SDK1: variants seen among roughly 807,000 people sequenced by gnomAD.
SDK1 encodes the protein sidekick cell adhesion molecule 1, also known as protein sidekick-1.
In SDK1, 157 loss-of-function variants were observed where a neutral mutation model predicts 245.5. The observed-to-expected ratio is 0.64, with a 90% CI of 0.56 to 0.73. The LOEUF (loss-of-function observed/expected upper bound fraction) is 0.73. Among genes scored for constraint, SDK1 ranks in the 30% least tolerant of loss-of-function variants. SDK1 has a pLI of 0.00. For synonymous variants in SDK1, 1,647 were observed against 1,278.5 expected (o/e 1.29, Z -6.15); for missense variants, 3,583 against 3,002.3 (o/e 1.19, Z -4.52).
At chr7:3,383,097 C>T (rs992530504) in intron 1 of SDK1, among the ~76,000 whole-genome samples, 1 of 152,128 alleles carries the variant, frequency 6.6e-6, no homozygotes, top group Non-Finnish European at 1.5e-5. Context: ...AAAAAAATCC[C>T]ATTCAAAATT....
chr7:3,987,537 C>G (rs531237933), intron 14 of SDK1, among the ~76,000 whole-genome samples: 7 of 152,260 alleles, frequency 4.6e-5, no homozygotes, highest in Non-Finnish European at 1.0e-4. Context: ...TAGAGGGGCT[C>G]TTGGTGGAGA....
intron 1 of SDK1, among the ~76,000 whole-genome samples, chr7:3,424,450 A>G (rs909990061): frequency 2.0e-5 from 3 of 152,192 alleles, no homozygotes; most frequent in East Asian, 1.9e-4. Flanking sequence ...GATTCAGGAA[A>G]TCTTTTCACA....
intron 1 of SDK1, among the ~76,000 whole-genome samples, chr7:3,425,389 C>T (rs1779647458): frequency 6.6e-6 from 1 of 152,124 alleles, no homozygotes; most frequent in African/African-American, 2.4e-5. Flanking sequence ...AGATTGATTT[C>T]TGAGTAACTC....
chr7:4,146,020 C>A, intron 29 of SDK1, 104 bp downstream of exon 29: 2 of 1,001,630 alleles, frequency 2.0e-6, no homozygotes, highest in Admixed American at 2.7e-5. Flanking sequence ...TCGGCCTTCC[C>A]TTCGGAGAAA....
chr7:3,974,571 G>C, intron 13 of SDK1, 26 bp downstream of exon 13: 1 of 1,605,690 alleles, frequency 6.2e-7, no homozygotes, highest in Admixed American at 1.7e-5. Context: ...TTTGGTGTTA[G>C]CCAGTCCGCG....
At chr7:3,596,891 C>T (rs1395397654) in intron 1 of SDK1, among the ~76,000 whole-genome samples, 2 of 152,138 alleles carry the variant, frequency 1.3e-5, no homozygotes, top group African/African-American at 4.8e-5. Flanking sequence ...GGTACAGAAA[C>T]AGCTAGATTG....
intron 2 of SDK1, among the ~76,000 whole-genome samples, chr7:3,634,710 A>G (rs1265438322): frequency 6.6e-6 from 1 of 152,242 alleles, no homozygotes; most frequent in Non-Finnish European, 1.5e-5. Context: ...TTGTGTAGGA[A>G]TTCCCATAAT....
At chr7:3,313,829 T>C (rs1779604276) in intron 1 of SDK1, among the ~76,000 whole-genome samples, 1 of 152,220 alleles carries the variant, frequency 6.6e-6, no homozygotes, top group South Asian at 2.1e-4. Flanking sequence ...CACAAAAAAG[T>C]ATGTGAAGTA....
At chr7:3,615,186 T>C (rs1781728351) in intron 1 of SDK1, among the ~76,000 whole-genome samples, 1 of 151,670 alleles carries the variant, frequency 6.6e-6, no homozygotes, top group South Asian at 2.1e-4. Flanking sequence ...TGAAGTGGCA[T>C]TTCTTTTTCT....
chr7:3,360,675 A>G (rs1780927014), intron 1 of SDK1, among the ~76,000 whole-genome samples: 2 of 152,212 alleles, frequency 1.3e-5, no homozygotes, highest in African/African-American at 4.8e-5. Context: ...ACCTTGGCCC[A>G]GTGCTGCTGT....
chr7:4,146,066 C>T, intron 29 of SDK1, 150 bp downstream of exon 29: 5 of 664,596 alleles, frequency 7.5e-6, no homozygotes, highest in Non-Finnish European at 1.3e-5. Flanking sequence ...GCACCCATTG[C>T]ACCTGACATG....
chr7:3,619,221 C>T lies in SDK1; in HGVS notation c.440C>T (p.Thr147Ile). ...KWMRDDSELT[T>I]YSSEYKYIIP... Reference sequence around the variant, plus strand: ...ATGCGCGATGACAGTGAGCTCACCACCTACAGCAGCGAATATAAGTAATTG... The same window carrying T: ...ATGCGCGATGACAGTGAGCTCACCATCTACAGCAGCGAATATAAGTAATTG... The change falls in exon 2 of 45, where the codon ACC becomes ATC. Residue 147 changes from threonine to isoleucine, a missense_variant. Physicochemically the swap from Thr to Ile is moderately conservative, Grantham distance 89. Transcript: ENST00000404826. The T allele has an allele frequency of 6.2e-7, 1 of 1,610,514 alleles. No homozygotes were observed. The highest frequency in any genetic ancestry group is 8.5e-7 in the Non-Finnish European group (1 of 1,177,096).
chr7:3,991,212 C>G (rs1037025161), intron 14 of SDK1, among the ~76,000 whole-genome samples: 1 of 152,182 alleles, frequency 6.6e-6, no homozygotes, highest in African/African-American at 2.4e-5. Flanking sequence ...TCAGCAAGGA[C>G]CCCTCAGTGC....
At chr7:3,313,504 C>G (rs1352649358) in intron 1 of SDK1, among the ~76,000 whole-genome samples, 2 of 152,104 alleles carry the variant, frequency 1.3e-5, no homozygotes, top group Non-Finnish European at 2.9e-5. Flanking sequence ...AAATTGAACC[C>G]AGGAGTGAGG....
At chr7:3,925,186 A>G (rs1361636093) in intron 5 of SDK1, among the ~76,000 whole-genome samples, 1 of 152,132 alleles carries the variant, frequency 6.6e-6, no homozygotes, top group African/African-American at 2.4e-5. Flanking sequence ...GAAGCCCCAG[A>G]TGGCACCCCC....
At chr7:3,860,929 C>T (rs183741918) in intron 5 of SDK1, among the ~76,000 whole-genome samples, 4 of 152,234 alleles carry the variant, frequency 2.6e-5, no homozygotes, top group Non-Finnish European at 5.9e-5. Flanking sequence ...AACCTGCTTG[C>T]AACAAAGGCC....
chr7:3,567,741 C>G (rs1210497188), intron 1 of SDK1, among the ~76,000 whole-genome samples: 1 of 152,182 alleles, frequency 6.6e-6, no homozygotes, highest in African/African-American at 2.4e-5. Context: ...GGCTAGAGGG[C>G]TGTGCCTTTG....
chr7:4,141,724 A>G (rs1584272054), intron 28 of SDK1, among the ~76,000 whole-genome samples: 1 of 152,148 alleles, frequency 6.6e-6, no homozygotes, highest in East Asian at 1.9e-4. Context: ...TCTTCCACAC[A>G]GGGCTTTCTC....
At chr7:3,946,668 G>C (rs1055626049) in intron 5 of SDK1, among the ~76,000 whole-genome samples, 2 of 152,042 alleles carry the variant, frequency 1.3e-5, no homozygotes, top group East Asian at 1.9e-4. Flanking sequence ...CTTTTTTTAA[G>C]TTATTTAAGG....
Sources: gnomAD v4.1 joint callset for allele counts (sites outside exome capture counted in the v4.1 genomes callset) on GRCh38, gnomAD v4.1.1 for gene constraint, MANE v1.5 for transcripts, NCBI Gene and HGNC (gene_info 2026-07-23, HGNC 2026-07-21) for gene names.